FUS: variants seen among roughly 807,000 people sequenced by gnomAD.
FUS encodes the protein RNA-binding protein FUS.
FUS carries 5 observed loss-of-function variants against 82.7 expected under a neutral mutation model. The observed-to-expected ratio is 0.06, with a 90% CI of 0.03 to 0.13. The LOEUF is 0.13. FUS is among the 10% of genes least tolerant of loss of function. FUS has a pLI of 1.00. For synonymous variants in FUS, 281 were observed against 247.4 expected (o/e 1.14, Z -1.27); for missense variants, 512 against 707.8 (o/e 0.72, Z 3.14).
chr16:31,191,528 C>T lies in FUS; in HGVS notation c.*90C>T. The T allele has an allele frequency of 1.4e-6, 2 of 1,419,630 alleles. No homozygotes were observed. The highest frequency in any genetic ancestry group is 2.0e-6 in the Non-Finnish European group (2 of 1,006,086). 87.9% of individuals were successfully genotyped at this position (1,419,630 alleles called of 1,614,324 possible). ...TTGTAACCTTCCAATTCCTGATCAC[C>T]CAAGGGTTTTTTTGTGTCGGACTAT... On this transcript the variant is annotated 3_prime_UTR_variant, in exon 15 of 15. Coordinates refer to ENST00000254108, the MANE Select transcript of FUS (RefSeq NM_004960.4).
Position 31,191,538 on chromosome 16 carries a change from T to C in FUS, c.*100T>C. On this transcript the variant is annotated 3_prime_UTR_variant, in exon 15 of 15. Transcript: ENST00000254108. Reference sequence around the variant, plus strand: ...CCAATTCCTGATCACCCAAGGGTTTTTTTGTGTCGGACTATGTAATTGTAA... The same window carrying C: ...CCAATTCCTGATCACCCAAGGGTTTCTTTGTGTCGGACTATGTAATTGTAA... 7.6e-7 allele frequency: 1 copy of C among 1,308,768 alleles called. No homozygotes were observed. Among genetic ancestry groups the C allele is most frequent in the Admixed American group, 1.7e-5 (1 of 57,228 alleles). The allele number at this position is 1,308,768 out of a possible 1,614,324, so 81.1% of individuals were successfully genotyped here. A position where few individuals can be genotyped will look rare whatever the true frequency, so the allele number is the denominator to read the frequency against.
chr16:31,194,035 T>G (rs1189514969), downstream of FUS: 1 of 533,986 alleles, frequency 1.9e-6, no homozygotes, highest in Admixed American at 2.2e-5. Flanking sequence ...ACAGGCTAAG[T>G]AGGAAGTGAG....
chr16:31,193,431 T>TA (rs748261331), downstream of FUS: 48 of 527,572 alleles, frequency 9.1e-5, no homozygotes, highest in Admixed American at 5.1e-4. Flanking sequence ...AATGGCCTGA[T>TA]ACGATATTTG....
chr16:31,180,439 T>C (rs1418472832), intron 1 of FUS, among the ~76,000 whole-genome samples: 1 of 150,760 alleles, frequency 6.6e-6, no homozygotes, highest in Non-Finnish European at 1.5e-5. Context: ...GGAAGTCTTT[T>C]CTTTGCAGTC....
At position 31,180,175 on chromosome 16, in the gene FUS, G is replaced by A; in HGVS notation, c.-40G>A. 4 of 1,606,914 alleles carry A rather than the reference G, an allele frequency of 2.5e-6. No individual in the cohort carries two copies. Among genetic ancestry groups the A allele is most frequent in the Non-Finnish European group, 3.4e-6 (4 of 1,176,696 alleles). Reference sequence around the variant, plus strand: ...CAGGCGTCGGTACTCAGCGGTGTTGGAACTTCGTTGCTTGCTTGCCTGTGC... The same window carrying A: ...CAGGCGTCGGTACTCAGCGGTGTTGAAACTTCGTTGCTTGCTTGCCTGTGC... On this transcript the variant is annotated 5_prime_UTR_variant, in exon 1 of 15. Coordinates refer to ENST00000254108, the MANE Select transcript of FUS (RefSeq NM_004960.4).
At chr16:31,188,588 A>T in intron 8 of FUS, 1 of 596,786 alleles carries the variant, frequency 1.7e-6, no homozygotes, top group Non-Finnish European at 3.0e-6. Flanking sequence ...GGACCCTGAA[A>T]ATCTACCTTT....
At chr16:31,186,605 T>G in intron 6 of FUS, 197 bp from the exon 7 acceptor site, 1 of 626,494 alleles carries the variant, frequency 1.6e-6, no homozygotes, top group Non-Finnish European at 2.9e-6. Flanking sequence ...AAACTGTGTC[T>G]GAGAAATTGC....
chr16:31,192,946 AT>A, downstream of FUS: 1 of 484,634 alleles, frequency 2.1e-6, no homozygotes, highest in Non-Finnish European at 4.1e-6. Context: ...ATCTTGGGTG[AT>A]TTGAGGCACA....
At chr16:31,193,123 G>C (rs2079382651), downstream of FUS, 2 of 483,894 alleles carry the variant, frequency 4.1e-6, no homozygotes, top group Non-Finnish European at 8.2e-6. Flanking sequence ...TGTATTTTTA[G>C]TAGAGACGGG....
chr16:31,183,144 C>G (rs536401353), intron 3 of FUS: 2 of 206,032 alleles, frequency 9.7e-6, no homozygotes, highest in South Asian at 1.6e-4. Flanking sequence ...ACCTGTAGTC[C>G]CAGCTACTGA....
At chr16:31,188,549 G>GT (rs1300020812) in intron 8 of FUS, 192 bp downstream of exon 8, 3 of 668,702 alleles carry the variant, frequency 4.5e-6, no homozygotes, top group Middle Eastern at 4.1e-4. Flanking sequence ...TGGCTTGTGG[G>GT]TTCCACCCCC....
Position 31,190,340 on chromosome 16 carries a change from A to G in FUS, c.1234A>G (p.Ser412Gly), listed in dbSNP as rs771912107. ...SGGGGRGGFP[S>G]GGGGGGGQQR... ...TGGTGGTGGCCGAGGAGGATTTCCC[A>G]GTGGAGGTGGTGGCGGTGGAGGACA... The change falls in exon 12 of 15, where the codon AGT becomes GGT. Residue 412 changes from serine (S) to glycine (G), a missense_variant. Ser to Gly is a moderately conservative substitution (Grantham distance 56). Coordinates refer to ENST00000254108, the MANE Select transcript of FUS (RefSeq NM_004960.4). The G allele has an allele frequency of 1.2e-6, 2 of 1,614,062 alleles. No homozygotes were observed. Among genetic ancestry groups the G allele is most frequent in the Non-Finnish European group, 8.5e-7 (1 of 1,180,006 alleles).
At chr16:31,192,089 TAGG>T, downstream of FUS, 1 of 532,344 alleles carries the variant, frequency 1.9e-6, no homozygotes, top group Non-Finnish European at 3.6e-6. Flanking sequence ...AGTCAGGATC[TAGG>T]AGGTGAGTGA....
chr16:31,192,353 T>TA (rs1414056961), downstream of FUS: 11 of 525,814 alleles, frequency 2.1e-5, 1 homozygote, highest in East Asian at 3.2e-4. Context: ...CTCAGCCTCT[T>TA]ACCATGTGGT....
intron 6 of FUS, chr16:31,186,507 T>G (rs1314874927): frequency 4.0e-6 from 2 of 497,268 alleles, no homozygotes; most frequent in Admixed American, 3.3e-5. Context: ...AAAAAACATC[T>G]GCTCCATCGG....
chr16:31,192,034 C>G (rs1176094023), downstream of FUS: 9 of 533,032 alleles, frequency 1.7e-5, no homozygotes, highest in South Asian at 1.1e-4. Flanking sequence ...CTGGGTCTTT[C>G]ACAGGAAGGA....
In FUS at chr16:31,190,315, T is replaced by A. The variant is rs756149847; in HGVS notation, c.1209T>A (p.Gly403=). 6.2e-7 allele frequency: 1 copy of A among 1,613,950 alleles called. No homozygotes were observed. The highest frequency in any genetic ancestry group is 8.5e-7 in the Non-Finnish European group (1 of 1,179,920). Residue 403 remains glycine (G), a synonymous_variant, in exon 12 of 15, where the codon GGT becomes GGA. Transcript: ENST00000254108. ...GRGGYGGGGS[G]GGGRGGFPSG... ...GAGGCTATGGAGGTGGTGGCAGTGGTGGTGGTGGCCGAGGAGGATTTCCCA... is the reference window on the plus strand; with the variant it reads ...GAGGCTATGGAGGTGGTGGCAGTGGAGGTGGTGGCCGAGGAGGATTTCCCA...
chr16:31,184,088 C>CA, intron 4 of FUS, 86 bp downstream of exon 4: 1 of 1,612,162 alleles, frequency 6.2e-7, no homozygotes, highest in East Asian at 2.2e-5. Flanking sequence ...AGGAGCAGTT[C>CA]AGAGGTGTAA....
At position 31,188,309 on chromosome 16, in the gene FUS, T is replaced by C; in HGVS notation, c.800-16T>C. On this transcript the variant is annotated splice_polypyrimidine_tract_variant and intron_variant, in intron 7 of 14. Coordinates refer to ENST00000254108, the MANE Select transcript of FUS (RefSeq NM_004960.4). Reference sequence around the variant, plus strand: ...TTTTTGTTTTTTTTTTGTTCTTTTTTTCCATGTCACTAAAGGCCCTCGGGA... The same window carrying C: ...TTTTTGTTTTTTTTTTGTTCTTTTTCTCCATGTCACTAAAGGCCCTCGGGA... 7 of 1,612,740 alleles carry C rather than the reference T, an allele frequency of 4.3e-6. No individual in the cohort carries two copies. Among genetic ancestry groups the C allele is most frequent in the Non-Finnish European group, 5.1e-6 (6 of 1,179,816 alleles).
Sources: allele counts gnomAD v4.1 joint callset (sites outside exome capture counted in the v4.1 genomes callset), GRCh38; gene constraint gnomAD v4.1.1; transcripts MANE v1.5; gene names NCBI Gene and HGNC (gene_info 2026-07-23, HGNC 2026-07-21).